Variants in TDRP observed in about 807,000 individuals in gnomAD.
TDRP encodes testis development-related protein.
Under a neutral mutation model 10.5 loss-of-function variants are expected in TDRP, and 12 were observed. The ratio of observed to expected loss-of-function variants is 1.15; its 90% CI spans 0.73 to 1.86. The LOEUF is 1.86. Among genes scored for constraint, TDRP ranks in the 40% most tolerant of loss-of-function variants. The pLI is 0.00. For synonymous variants in TDRP, 139 were observed against 95.4 expected, an observed-to-expected ratio of 1.46 and a Z score of -2.67; for missense variants, 353 against 229.2, an observed-to-expected ratio of 1.54 and a Z score of -3.49.
At chr8:526,975 G>A (rs1445285968) in intron 1 of TDRP, among the ~76,000 whole-genome samples, 2 of 152,012 alleles carry the variant, frequency 1.3e-5, no homozygotes, top group Admixed American at 6.6e-5. Flanking sequence ...ACCAAATAGG[G>A]CAGGCACAGT....
intron 1 of TDRP, among the ~76,000 whole-genome samples, chr8:497,070 G>A (rs551008518): frequency 1.5e-4 from 23 of 152,336 alleles, no homozygotes; most frequent in Middle Eastern, 6.8e-3. Context: ...GACTAACACA[G>A]AGAATTGGTA....
chr8:504,087 A>C (rs1801386389), intron 1 of TDRP, among the ~76,000 whole-genome samples: 1 of 152,196 alleles, frequency 6.6e-6, no homozygotes, highest in East Asian at 1.9e-4. Flanking sequence ...ACCAACACGG[A>C]ATCCAGAGCC....
intron 1 of TDRP, among the ~76,000 whole-genome samples, chr8:510,801 C>T (rs142480699): frequency 1.8e-4 from 28 of 152,292 alleles, no homozygotes; most frequent in African/African-American, 5.8e-4. Context: ...AAACAAAGTG[C>T]ACCGGTAATG....
At chr8:523,548 C>A (rs147530864) in intron 1 of TDRP, among the ~76,000 whole-genome samples, 2 of 152,194 alleles carry the variant, frequency 1.3e-5, no homozygotes, top group African/African-American at 4.8e-5. Context: ...TGGACTTGCC[C>A]TGGGCCAAAG....
intron 1 of TDRP, among the ~76,000 whole-genome samples, chr8:522,377 G>A (rs1241703508): frequency 6.6e-6 from 1 of 152,120 alleles, no homozygotes; most frequent in Non-Finnish European, 1.5e-5. Flanking sequence ...AGAAAGGGCT[G>A]GAGTCCTTTA....
chr8:492,022 T>C lies in TDRP; in HGVS notation c.*377A>G, dbSNP rs1205957088. The stretch of plus-strand genomic sequence containing the variant: ...GACAGCTGCATTTATACGTGCTACA[T>C]ACAAGAAAAAGGTACGGAAGTTCTG... On this transcript the variant is annotated 3_prime_UTR_variant, in exon 3 of 3. Transcript: ENST00000324079. 9.0e-7 allele frequency: 1 copy of C among 1,113,212 alleles called. No homozygotes were observed. The highest frequency in any genetic ancestry group is 1.6e-5 in the African/African-American group (1 of 61,594). 69.0% of individuals were successfully genotyped at this position (1,113,212 alleles called of 1,614,324 possible). A position where few individuals can be genotyped will look rare whatever the true frequency, so the allele number is the denominator to read the frequency against.
chr8:539,656 T>A (rs1376919857), intron 1 of TDRP, among the ~76,000 whole-genome samples: 2 of 152,174 alleles, frequency 1.3e-5, no homozygotes, highest in Non-Finnish European at 2.9e-5. Flanking sequence ...AACAAAATGT[T>A]AGCTATACAA....
intron 1 of TDRP, among the ~76,000 whole-genome samples, chr8:504,986 T>G (rs1801416565): frequency 6.6e-6 from 1 of 152,200 alleles, no homozygotes; most frequent in Non-Finnish European, 1.5e-5. Flanking sequence ...CCCACACCGT[T>G]TTTAACAAAG....
rs750633789 is a variant in TDRP, at chr8:492,754, A to G, written c.213-10T>C. The G allele has an allele frequency of 1.2e-5, 19 of 1,581,256 alleles. No individual in the cohort carries two copies. Among genetic ancestry groups the G allele is most frequent in the Non-Finnish European group, 1.5e-5 (18 of 1,161,598 alleles). On this transcript the variant is annotated splice_polypyrimidine_tract_variant and intron_variant, in intron 2 of 2. Transcript: ENST00000324079. ...TAATCGTAAGTTAGTTCTATAGGAGATGAAAGAGTTAGGTGTTGGTGACCC... is the reference window on the plus strand; with the variant it reads ...TAATCGTAAGTTAGTTCTATAGGAGGTGAAAGAGTTAGGTGTTGGTGACCC...
chr8:504,657 G>A (rs957667673), intron 1 of TDRP, among the ~76,000 whole-genome samples: 2 of 152,212 alleles, frequency 1.3e-5, no homozygotes, highest in East Asian at 1.9e-4. Context: ...CCTGTTTGGT[G>A]AACTGGCAAT....
At chr8:492,816 C>T in intron 2 of TDRP, 72 bp from the exon 3 acceptor site, 1 of 1,199,776 alleles carries the variant, frequency 8.3e-7, no homozygotes. Flanking sequence ...ATTTTACAAA[C>T]ATAAAATTCT....
At chr8:520,980 G>C (rs1309498971) in intron 1 of TDRP, among the ~76,000 whole-genome samples, 1 of 151,796 alleles carries the variant, frequency 6.6e-6, no homozygotes, top group African/African-American at 2.4e-5. Flanking sequence ...CTGTGTTTTG[G>C]TGTCATATCC....
In TDRP at chr8:544,656, C is replaced by A; in HGVS notation, c.102G>T (p.Gln34His). The A allele has an allele frequency of 8.2e-7, 1 of 1,224,500 alleles. No homozygotes were observed. Among genetic ancestry groups the A allele is most frequent in the Non-Finnish European group, 1.0e-6 (1 of 982,610 alleles). The allele number at this position is 1,224,500 out of a possible 1,614,324, so 75.9% of individuals were successfully genotyped here. The change falls in exon 1 of 3, where the codon CAG becomes CAT. Residue 34 changes from glutamine to histidine, a missense_variant. Gln to His is a conservative substitution (Grantham distance 24, BLOSUM62 0). Coordinates refer to ENST00000324079, the MANE Select transcript of TDRP (RefSeq NM_001384899.1). ...GPPPAAAAAA[Q>H]AQVQGASFRG... is the part of the protein sequence containing the mutation. ...CACCTGCGCACCCCCTCACCTGCGC[C>A]TGGGCGGCGGCGGCGGCGGCCGGTG...
At chr8:514,500 C>T (rs1360523877) in intron 1 of TDRP, among the ~76,000 whole-genome samples, 1 of 152,218 alleles carries the variant, frequency 6.6e-6, no homozygotes, top group African/African-American at 2.4e-5. Flanking sequence ...TGAACGCAGA[C>T]TCTAGATCCA....
At position 491,360 on chromosome 8, in the gene TDRP, C is replaced by A. The variant is rs1226793050; in HGVS notation, c.*1039G>T. Reference sequence around the variant, plus strand: ...GCAGGACTTGCTGATAAGAGCCAACCTTCCAGGGACGCATAACTGGCACCT... The same window carrying A: ...GCAGGACTTGCTGATAAGAGCCAACATTCCAGGGACGCATAACTGGCACCT... On this transcript the variant is annotated 3_prime_UTR_variant, in exon 3 of 3. Coordinates refer to ENST00000324079, the MANE Select transcript of TDRP (RefSeq NM_001384899.1). 8.2e-6 allele frequency: 3 copies of A among 365,788 alleles called. No homozygotes were observed. The highest frequency in any genetic ancestry group is 1.5e-5 in the Non-Finnish European group (3 of 205,744). 22.7% of individuals were successfully genotyped at this position (365,788 alleles called of 1,614,324 possible).
Position 494,562 on chromosome 8 carries a change from C to A in TDRP, c.144G>T (p.Val48=), listed in dbSNP as rs1182924322. 2.5e-6 allele frequency: 4 copies of A among 1,613,806 alleles called. No homozygotes were observed. Among genetic ancestry groups the A allele is most frequent in the Middle Eastern group, 1.6e-4 (1 of 6,084 alleles). Reference sequence around the variant, plus strand: ...CATCATCTTTGTTAAACAGTGAAGTCACTTCTTTCCAACCTCGGAAACTTG... The same window carrying A: ...CATCATCTTTGTTAAACAGTGAAGTAACTTCTTTCCAACCTCGGAAACTTG... ...QGASFRGWKE[V]TSLFNKDDEQ... Residue 48 remains valine, a synonymous_variant, in exon 2 of 3, where the codon GTG becomes GTT. Transcript: ENST00000324079.
At chr8:521,375 C>CCACTG (rs1563126724) in intron 1 of TDRP, among the ~76,000 whole-genome samples, 1 of 151,126 alleles carries the variant, frequency 6.6e-6, no homozygotes. Context: ...CGAGCTCACA[C>CCACTG]CACTGCACTC....
At chr8:510,776 C>A (rs1245685273) in intron 1 of TDRP, among the ~76,000 whole-genome samples, 2 of 152,196 alleles carry the variant, frequency 1.3e-5, no homozygotes, top group Admixed American at 1.3e-4. Context: ...TACAGCAACT[C>A]ATATCCACAT....
intron 1 of TDRP, among the ~76,000 whole-genome samples, chr8:521,160 T>C (rs35853064): frequency 0.11 from 15,388 of 146,308 alleles, 947 homozygotes; most frequent in Admixed American, 0.17. Context: ...CCCAGCACTT[T>C]GGGAGGCCGA....
Sources: allele counts gnomAD v4.1 joint callset (sites outside exome capture counted in the v4.1 genomes callset), GRCh38; gene constraint gnomAD v4.1.1; transcripts MANE v1.5; gene names NCBI Gene and HGNC (gene_info 2026-07-23, HGNC 2026-07-21).